TRAPPC3: variants seen among roughly 807,000 people sequenced by gnomAD.
The protein encoded by TRAPPC3 is trafficking protein particle complex 3.
A neutral mutation model predicts 18.2 loss-of-function variants in TRAPPC3; 5 were observed. The observed-to-expected ratio is 0.28, with a 90% CI of 0.14 to 0.58. The LOEUF (loss-of-function observed/expected upper bound fraction) is 0.58, where lower values mean the gene tolerates loss of function less well. Ranked by LOEUF, TRAPPC3 falls within the 20% of genes least tolerant of loss-of-function variation. The pLI is 0.91. For synonymous variants in TRAPPC3, 65 were observed against 84.2 expected (o/e 0.77, Z 1.25); for missense variants, 176 against 225.9 (o/e 0.78, Z 1.41).
At chr1:36,148,272 C>T (rs1021529750) in intron 1 of TRAPPC3, among the ~76,000 whole-genome samples, 1 of 152,134 alleles carries the variant, frequency 6.6e-6, no homozygotes, top group East Asian at 1.9e-4. Flanking sequence ...CCAGGCTGGC[C>T]AACATGGTGA....
intron 3 of TRAPPC3, among the ~76,000 whole-genome samples, chr1:36,138,968 G>A (rs932455037): frequency 6.9e-6 from 1 of 145,346 alleles, no homozygotes; most frequent in South Asian, 2.2e-4. Flanking sequence ...CCCGGGGGGC[G>A]GAGGTTGTGG....
chr1:36,153,225 G>A (rs961857500), upstream of TRAPPC3, among the ~76,000 whole-genome samples: 4 of 152,158 alleles, frequency 2.6e-5, no homozygotes, highest in African/African-American at 4.8e-5. Flanking sequence ...CCCATGCAGC[G>A]TTACCTAGCC....
intron 3 of TRAPPC3, chr1:36,138,382 C>A: frequency 2.1e-6 from 2 of 953,116 alleles, no homozygotes; most frequent in Non-Finnish European, 3.1e-6. Context: ...CTGAATGCAC[C>A]TTCTTGAAAG....
At chr1:36,153,823 T>C (rs1329953521), upstream of TRAPPC3, among the ~76,000 whole-genome samples, 5 of 152,216 alleles carry the variant, frequency 3.3e-5, no homozygotes, top group Non-Finnish European at 7.4e-5. Flanking sequence ...CCAAAGACAA[T>C]AGATTTCCAG....
At position 36,137,808 on chromosome 1, in the gene TRAPPC3, T is replaced by A; in HGVS notation, c.411A>T (p.Gly137=). The A allele has an allele frequency of 6.2e-7, 1 of 1,613,608 alleles. No individual in the cohort carries two copies. The highest frequency in any genetic ancestry group is 1.3e-5 in the African/African-American group (1 of 74,944). Residue 137 remains glycine (G), a synonymous_variant, in exon 4 of 5, where the codon GGA becomes GGT. Coordinates refer to ENST00000373166, the MANE Select transcript of TRAPPC3 (RefSeq NM_014408.5). The part of the protein sequence containing the change: ...YSNLLCGVLR[G]ALEMVQMAVE... The stretch of plus-strand genomic sequence containing the variant: ...GAGTTGCACTCACCATCTCCAAAGC[T>A]CCCCGCAACACCCCACACAAGAGAT...
At chr1:36,142,955 C>G (rs753604680) in intron 1 of TRAPPC3, among the ~76,000 whole-genome samples, 1 of 152,134 alleles carries the variant, frequency 6.6e-6, no homozygotes, top group Non-Finnish European at 1.5e-5. Context: ...TGGCTTGAGC[C>G]TGGGATGTCA....
At chr1:36,147,180 G>A (rs1018392672) in intron 1 of TRAPPC3, among the ~76,000 whole-genome samples, 1 of 152,040 alleles carries the variant, frequency 6.6e-6, no homozygotes, top group Admixed American at 6.6e-5. Flanking sequence ...AAATTAGCCA[G>A]CCGTAGTGGT....
chr1:36,149,194 C>T (rs944649993), intron 1 of TRAPPC3, 143 bp downstream of exon 1: 4 of 1,509,414 alleles, frequency 2.7e-6, no homozygotes, highest in East Asian at 2.5e-5. Context: ...TGGAACGCCC[C>T]CGGAGTGACC....
rs1039154059 is a variant in TRAPPC3, at chr1:36,149,237, G to A, written c.42+100C>T. On this transcript the variant is annotated intron_variant, in intron 1 of 4. Transcript: ENST00000373166. ...AGGCTTCCCCTTGCCAGAGCTCACA[G>A]GAAGGCCCTTTTCCAAACGCACCTC... The A allele has an allele frequency of 3.2e-6, 5 of 1,567,148 alleles. No individual in the cohort carries two copies. The African/African-American group carries it at 5.4e-5, about 17-fold the overall frequency.
At position 36,137,188 on chromosome 1, in the gene TRAPPC3, G is replaced by A. The variant is rs749650652; in HGVS notation, c.*15C>T. Reference sequence around the variant, plus strand: ...AACAGTGCTCCTGATGGCTATCCTCGAGTTGTAGGGATGGTTATTCCTCTC... The same window carrying A: ...AACAGTGCTCCTGATGGCTATCCTCAAGTTGTAGGGATGGTTATTCCTCTC... On this transcript the variant is annotated 3_prime_UTR_variant, in exon 5 of 5. Transcript: ENST00000373166. 31 of 1,599,434 alleles carry A rather than the reference G, an allele frequency of 1.9e-5. No homozygotes were observed. Among genetic ancestry groups the A allele is most frequent in the Admixed American group, 6.7e-5 (4 of 59,762 alleles).
intron 1 of TRAPPC3, among the ~76,000 whole-genome samples, chr1:36,141,840 C>T (rs1644112292): frequency 6.6e-6 from 1 of 151,598 alleles, no homozygotes; most frequent in Non-Finnish European, 1.5e-5. Flanking sequence ...TGCCTGTAAT[C>T]CCAGCTACTC....
intron 4 of TRAPPC3, 38 bp downstream of exon 4, chr1:36,137,758 C>A: frequency 6.3e-7 from 1 of 1,592,312 alleles, no homozygotes; most frequent in Non-Finnish European, 8.6e-7. Flanking sequence ...GTCCCTATTG[C>A]ATTTCGGGTG....
chr1:36,141,900 G>A (rs1278320550), intron 1 of TRAPPC3, among the ~76,000 whole-genome samples: 1 of 135,700 alleles, frequency 7.4e-6, no homozygotes, highest in African/African-American at 2.8e-5. Context: ...GGAGGTTGCA[G>A]TGAGCCAAGA....
intron 3 of TRAPPC3, 117 bp downstream of exon 3, chr1:36,139,603 G>C (rs1235509601): frequency 7.2e-7 from 1 of 1,381,956 alleles, no homozygotes; most frequent in Non-Finnish European, 9.8e-7. Flanking sequence ...GACCCAAAGA[G>C]CTGCCTAGCC....
chr1:36,147,922 TA>T (rs1161997388), intron 1 of TRAPPC3, among the ~76,000 whole-genome samples: 1 of 152,058 alleles, frequency 6.6e-6, no homozygotes, highest in Non-Finnish European at 1.5e-5. Flanking sequence ...ATTTCAGGCT[TA>T]AAAAATGGAT....
chr1:36,143,219 C>T (rs1354760978), intron 1 of TRAPPC3, among the ~76,000 whole-genome samples: 4 of 145,972 alleles, frequency 2.7e-5, no homozygotes, highest in Non-Finnish European at 5.9e-5. Flanking sequence ...AAATAAAGCA[C>T]AAAAACAGAT....
intron 4 of TRAPPC3, 66 bp downstream of exon 4, chr1:36,137,730 C>A (rs1479222952): frequency 5.3e-6 from 8 of 1,499,666 alleles, no homozygotes; most frequent in Non-Finnish European, 6.3e-6. Context: ...CTCTTTCATT[C>A]ATTTAAACAC....
At chr1:36,144,713 A>G (rs992201327) in intron 1 of TRAPPC3, among the ~76,000 whole-genome samples, 28 of 152,214 alleles carry the variant, frequency 1.8e-4, no homozygotes, top group African/African-American at 5.1e-4. Flanking sequence ...AAATCAATTC[A>G]CTGGGCTAAG....
chr1:36,139,964 T>G (rs1644083228), intron 2 of TRAPPC3, 105 bp downstream of exon 2: 7 of 1,468,172 alleles, frequency 4.8e-6, no homozygotes, highest in African/African-American at 1.4e-5. Flanking sequence ...CCCAAAATGT[T>G]GGCTAAGAAA....
Sources: gnomAD v4.1 joint callset for allele counts (sites outside exome capture counted in the v4.1 genomes callset) on GRCh38, gnomAD v4.1.1 for gene constraint, MANE v1.5 for transcripts, NCBI Gene and HGNC (gene_info 2026-07-23, HGNC 2026-07-21) for gene names.